Variants in LRP1B observed in about 807,000 individuals in gnomAD.
The protein encoded by LRP1B is LDL receptor related protein 1B.
LRP1B carries 217 observed loss-of-function variants against 556.6 expected under a neutral mutation model. The observed-to-expected ratio is 0.39, with a 90% CI of 0.35 to 0.44. The LOEUF (loss-of-function observed/expected upper bound fraction) is 0.44. Ranked by LOEUF, LRP1B falls within the 20% of genes least tolerant of loss-of-function variation. LRP1B has a pLI of 1.00. For synonymous variants in LRP1B, 2,047 were observed against 1,865.8 expected, an observed-to-expected ratio of 1.10 and a Z score of -2.50; for missense variants, 5,053 against 5,620.8, an observed-to-expected ratio of 0.90 and a Z score of 3.23.
intron 59 of LRP1B, among the ~76,000 whole-genome samples, chr2:140,477,031 T>A (rs1045892847): frequency 6.6e-6 from 1 of 152,070 alleles, no homozygotes; most frequent in Non-Finnish European, 1.5e-5. Context: ...AGTGAATACG[T>A]CAGTGAAATA....
Position 141,946,818 on chromosome 2 carries a change from A to AT in LRP1B, c.83-136418dup, listed in dbSNP as rs1447317197. On this transcript the variant is annotated intron_variant, in intron 1 of 90. Coordinates refer to ENST00000389484, the MANE Select transcript of LRP1B (RefSeq NM_018557.3). ...ATTATTTGTTATAAGCCTAAAATAG[A>AT]TTTTTTAAAGTAACTTTAATCAAAT... Among the ~76,000 whole-genome samples, 33 of 152,276 alleles carry AT rather than the reference A, an allele frequency of 2.2e-4. 1 individual carries two copies. In the East Asian group the frequency reaches 5.8e-3, roughly 27 times the overall value.
At chr2:142,097,057 C>CA (rs1553516821) in intron 1 of LRP1B, among the ~76,000 whole-genome samples, 174 of 93,808 alleles carry the variant, frequency 1.9e-3, no homozygotes, top group South Asian at 9.0e-3. Flanking sequence ...ATTATCATTG[C>CA]AAAAAAAAAA....
At chr2:140,450,455 T>A in intron 63 of LRP1B, 113 bp downstream of exon 63, 1 of 798,636 alleles carries the variant, frequency 1.3e-6, no homozygotes, top group East Asian at 2.6e-5. Context: ...ATTTTTCTAT[T>A]TCAATTTTGG....
intron 1 of LRP1B, among the ~76,000 whole-genome samples, chr2:142,044,052 T>G (rs1704159367): frequency 6.6e-6 from 1 of 151,746 alleles, no homozygotes; most frequent in South Asian, 2.1e-4. Flanking sequence ...TTCAATAACA[T>G]ATTTTATTTA....
At chr2:140,936,374 AG>A (rs1695212034) in intron 20 of LRP1B, among the ~76,000 whole-genome samples, 2 of 117,878 alleles carry the variant, frequency 1.7e-5, no homozygotes, top group African/African-American at 3.1e-5. Context: ...AAAGGAAAAA[AG>A]AAAAGAAAAG....
intron 1 of LRP1B, among the ~76,000 whole-genome samples, chr2:141,982,502 C>T (rs528449523): frequency 6.6e-6 from 1 of 152,266 alleles, no homozygotes; most frequent in South Asian, 2.1e-4. Context: ...CCACTGCCCA[C>T]TGTGAAATAT....
At chr2:140,307,818 C>T (rs1027405353) in intron 83 of LRP1B, among the ~76,000 whole-genome samples, 18 of 151,676 alleles carry the variant, frequency 1.2e-4, no homozygotes, top group Admixed American at 3.3e-4. Context: ...AATCAAAGTT[C>T]TCAGATTCTG....
intron 49 of LRP1B, among the ~76,000 whole-genome samples, chr2:140,517,997 C>A (rs1689990683): frequency 1.3e-5 from 2 of 152,114 alleles, no homozygotes; most frequent in African/African-American, 4.8e-5. Flanking sequence ...GTGTGAGCCA[C>A]TGTGCCCAGC....
intron 27 of LRP1B, among the ~76,000 whole-genome samples, chr2:140,855,125 C>T (rs1692574374): frequency 1.3e-5 from 2 of 151,924 alleles, no homozygotes; most frequent in South Asian, 4.2e-4. Flanking sequence ...TTGTTTAAAA[C>T]ACTGTGAAAA....
At chr2:140,802,662 A>T (rs1199221117) in intron 32 of LRP1B, among the ~76,000 whole-genome samples, 1 of 152,204 alleles carries the variant, frequency 6.6e-6, no homozygotes, top group African/African-American at 2.4e-5. Context: ...ATTTCTTCAG[A>T]TATAGTATGC....
At chr2:141,651,446 T>C (rs1181371710) in intron 2 of LRP1B, among the ~76,000 whole-genome samples, 2 of 152,138 alleles carry the variant, frequency 1.3e-5, no homozygotes, top group African/African-American at 4.8e-5. Context: ...GGCAGATCAC[T>C]TGAGGTCGGT....
At chr2:141,447,773 C>G (rs113141425) in intron 3 of LRP1B, among the ~76,000 whole-genome samples, 1 of 152,154 alleles carries the variant, frequency 6.6e-6, no homozygotes, top group Non-Finnish European at 1.5e-5. Flanking sequence ...GCTGCCTGTT[C>G]CTTCCTCTGG....
At chr2:141,398,992 A>G (rs7596752) in intron 3 of LRP1B, among the ~76,000 whole-genome samples, 3,999 of 152,264 alleles carry the variant, frequency 0.026, 182 homozygotes, top group African/African-American at 0.091. Context: ...GCAGTGGCTT[A>G]TGCCTGTAAT....
chr2:141,129,892 A>T (rs1409173702), intron 7 of LRP1B, among the ~76,000 whole-genome samples: 1 of 152,138 alleles, frequency 6.6e-6, no homozygotes. Flanking sequence ...ATGGAAAAAT[A>T]AGCTGTAATC....
At chr2:140,979,910 T>G (rs889249010) in intron 18 of LRP1B, among the ~76,000 whole-genome samples, 11 of 152,122 alleles carry the variant, frequency 7.2e-5, no homozygotes, top group Non-Finnish European at 1.3e-4. Flanking sequence ...ATAGATTTGT[T>G]ATTAAAAAAA....
chr2:140,532,519 C>T (rs2104988871), intron 47 of LRP1B, among the ~76,000 whole-genome samples: 1 of 152,122 alleles, frequency 6.6e-6, no homozygotes, highest in South Asian at 2.1e-4. Flanking sequence ...GCCTCAGCAT[C>T]CCGAGTAGCT....
intron 1 of LRP1B, among the ~76,000 whole-genome samples, chr2:142,099,291 T>C (rs894885561): frequency 1.3e-5 from 2 of 151,876 alleles, no homozygotes; most frequent in African/African-American, 4.8e-5. Context: ...GGGCTTTACC[T>C]TCAAAGAGTT....
intron 31 of LRP1B, among the ~76,000 whole-genome samples, chr2:140,837,363 C>T (rs1433191015): frequency 5.3e-5 from 8 of 151,992 alleles, no homozygotes; most frequent in Admixed American, 3.9e-4. Flanking sequence ...TATCAACAGG[C>T]CTAGTGCAAA....
intron 83 of LRP1B, among the ~76,000 whole-genome samples, chr2:140,312,871 G>A (rs1454505876): frequency 1.3e-5 from 2 of 151,794 alleles, no homozygotes; most frequent in Non-Finnish European, 2.9e-5. Flanking sequence ...CTTTTAATTA[G>A]TGACATTTCT....
Sources: gnomAD v4.1 joint callset for allele counts (sites outside exome capture counted in the v4.1 genomes callset) on GRCh38, gnomAD v4.1.1 for gene constraint, MANE v1.5 for transcripts, NCBI Gene and HGNC (gene_info 2026-07-23, HGNC 2026-07-21) for gene names.